SSBP2: variants seen among roughly 807,000 people sequenced by gnomAD.
SSBP2 encodes single-stranded DNA-binding protein 2.
In SSBP2, 17 loss-of-function variants were observed where a neutral mutation model predicts 61.8. The ratio of observed to expected loss-of-function variants is 0.28; its 90% confidence interval spans 0.19 to 0.41. The LOEUF is 0.41. Ranked by LOEUF, SSBP2 falls within the 10% of genes least tolerant of loss-of-function variation. SSBP2 has a pLI of 1.00. For synonymous variants in SSBP2, 139 were observed against 141.3 expected (o/e 0.98, Z 0.12); for missense variants, 310 against 458.7 (o/e 0.68, Z 2.96).
chr5:81,476,103 T>C (rs1381760043), intron 6 of SSBP2, among the ~76,000 whole-genome samples: 2 of 152,060 alleles, frequency 1.3e-5, no homozygotes, highest in Non-Finnish European at 2.9e-5. Context: ...TATATATCTA[T>C]TATCATAAAT....
intron 4 of SSBP2, among the ~76,000 whole-genome samples, chr5:81,610,599 C>T (rs1369976117): frequency 1.3e-5 from 2 of 151,784 alleles, no homozygotes; most frequent in African/African-American, 2.4e-5. Context: ...GATTTTAAAC[C>T]CAAGAGACAA....
At chr5:81,442,597 C>T (rs1037611669) in intron 13 of SSBP2, 56 bp downstream of exon 13, 8 of 944,594 alleles carry the variant, frequency 8.5e-6, no homozygotes, top group Non-Finnish European at 1.3e-5. Flanking sequence ...ATGGAATGCA[C>T]TCAGAGTTTG....
At chr5:81,462,733 T>C (rs1764624397) in intron 9 of SSBP2, among the ~76,000 whole-genome samples, 1 of 152,124 alleles carries the variant, frequency 6.6e-6, no homozygotes, top group Non-Finnish European at 1.5e-5. Context: ...ATTTGGGTAG[T>C]AAGGTACATC....
At chr5:81,622,882 C>T (rs1027268877) in intron 3 of SSBP2, among the ~76,000 whole-genome samples, 8 of 152,252 alleles carry the variant, frequency 5.3e-5, no homozygotes, top group South Asian at 2.1e-4. Context: ...CGGGGAAAAA[C>T]GTGAAAAACT....
At position 81,621,945 on chromosome 5, in the gene SSBP2, G is replaced by A. The variant is rs1460360452; in HGVS notation, c.198-6388C>T. On this transcript the variant is annotated intron_variant, in intron 3 of 16. Transcript: ENST00000320672. Reference sequence around the variant, plus strand: ...CACAGGAAGGGGAATATCACACTCTGGGGACTGTGGTGGGGTCGGGGGAGG... The same window carrying A: ...CACAGGAAGGGGAATATCACACTCTAGGGACTGTGGTGGGGTCGGGGGAGG... Among the ~76,000 whole-genome samples the A allele has an allele frequency of 3.5e-3, 422 of 121,112 alleles. 3 individuals carry two copies. The highest frequency in any genetic ancestry group is 5.7e-3 in the Non-Finnish European group (333 of 58,304). 79.5% of individuals were successfully genotyped at this position (121,112 alleles called of 152,430 possible). A position where few individuals can be genotyped will look rare whatever the true frequency, so the allele number is the denominator to read the frequency against.
intron 5 of SSBP2, among the ~76,000 whole-genome samples, chr5:81,508,207 G>A (rs1768326703): frequency 6.6e-6 from 1 of 152,028 alleles, no homozygotes. Context: ...TACAAAAACT[G>A]CCAAACTTTT....
At chr5:81,643,599 T>C (rs866186620) in intron 2 of SSBP2, among the ~76,000 whole-genome samples, 8 of 127,966 alleles carry the variant, frequency 6.3e-5, no homozygotes, top group Non-Finnish European at 1.2e-4. Context: ...TCCTTTCTTT[T>C]TTTTTTTTTT....
intron 15 of SSBP2, among the ~76,000 whole-genome samples, chr5:81,433,843 T>C (rs950081052): frequency 7.9e-5 from 12 of 152,224 alleles, no homozygotes; most frequent in African/African-American, 2.9e-4. Context: ...TGAAACTTCA[T>C]TGGAAGCTTT....
At chr5:81,434,043 T>A (rs1357684366) in intron 15 of SSBP2, among the ~76,000 whole-genome samples, 1 of 152,226 alleles carries the variant, frequency 6.6e-6, no homozygotes, top group Non-Finnish European at 1.5e-5. Flanking sequence ...GGGAATGAAC[T>A]AAAATCTTTA....
At chr5:81,437,397 G>C in intron 15 of SSBP2, 33 bp downstream of exon 15, 1 of 1,580,226 alleles carries the variant, frequency 6.3e-7, no homozygotes. Context: ...ATAAAATTCT[G>C]ATTAAAAACA....
At chr5:81,686,588 A>G (rs539191645) in intron 1 of SSBP2, among the ~76,000 whole-genome samples, 5 of 152,204 alleles carry the variant, frequency 3.3e-5, no homozygotes, top group African/African-American at 1.2e-4. Flanking sequence ...CGGGCACGGT[A>G]GCTCATGCCT....
chr5:81,525,437 G>C (rs1279705375), intron 4 of SSBP2, among the ~76,000 whole-genome samples: 1 of 151,906 alleles, frequency 6.6e-6, no homozygotes, highest in Admixed American at 6.6e-5. Flanking sequence ...TGTGGCATTT[G>C]ATTTTCCGTT....
intron 5 of SSBP2, among the ~76,000 whole-genome samples, chr5:81,501,757 G>A (rs549553656): frequency 4.6e-5 from 7 of 151,582 alleles, no homozygotes; most frequent in South Asian, 2.1e-4. Context: ...TAGTAGAGAC[G>A]GGGTTTCACC....
chr5:81,490,536 A>T (rs886626110), intron 5 of SSBP2, among the ~76,000 whole-genome samples: 4 of 152,202 alleles, frequency 2.6e-5, no homozygotes, highest in Admixed American at 1.3e-4. Context: ...TACAGCAAGT[A>T]GACAAAGGTT....
chr5:81,428,971 G>A (rs1010579089), intron 15 of SSBP2, among the ~76,000 whole-genome samples: 4 of 151,586 alleles, frequency 2.6e-5, no homozygotes, highest in African/African-American at 9.8e-5. Flanking sequence ...AGCTTATAGA[G>A]TTCCTAAAAC....
chr5:81,573,725 A>G (rs1466778762), intron 4 of SSBP2, among the ~76,000 whole-genome samples: 4 of 152,204 alleles, frequency 2.6e-5, no homozygotes, highest in African/African-American at 9.7e-5. Flanking sequence ...GACACAATAA[A>G]AAAATCCAGG....
At chr5:81,730,401 CT>C (rs1409414796) in intron 1 of SSBP2, among the ~76,000 whole-genome samples, 6 of 152,030 alleles carry the variant, frequency 3.9e-5, no homozygotes, top group Non-Finnish European at 8.8e-5. Flanking sequence ...ATTTTTATAA[CT>C]TTAATAAAGG....
intron 4 of SSBP2, among the ~76,000 whole-genome samples, chr5:81,609,878 A>C (rs1745273302): frequency 6.6e-6 from 1 of 152,090 alleles, no homozygotes; most frequent in South Asian, 2.1e-4. Flanking sequence ...CCCTATTCTG[A>C]GCCCATAAAA....
chr5:81,693,594 T>C (rs1753379594), intron 1 of SSBP2, among the ~76,000 whole-genome samples: 1 of 152,160 alleles, frequency 6.6e-6, no homozygotes. Flanking sequence ...ACATCATTGA[T>C]CATCAGAGAA....
Sources: gnomAD v4.1 joint callset for allele counts (sites outside exome capture counted in the v4.1 genomes callset) on GRCh38, gnomAD v4.1.1 for gene constraint, MANE v1.5 for transcripts, NCBI Gene and HGNC (gene_info 2026-07-23, HGNC 2026-07-21) for gene names.